MYOZ3: variants seen among roughly 807,000 people sequenced by gnomAD.
MYOZ3 encodes myozenin 3.
A neutral mutation model predicts 26.5 loss-of-function variants in MYOZ3; 19 were observed. The ratio of observed to expected loss-of-function variants is 0.72; its 90% CI spans 0.50 to 1.05. The LOEUF (loss-of-function observed/expected upper bound fraction) is 1.05. Ranked by LOEUF, MYOZ3 falls within the 50% of genes least tolerant of loss-of-function variation. The pLI is 0.00. For synonymous variants in MYOZ3, 135 were observed against 138.8 expected, an observed-to-expected ratio of 0.97 and a Z score of 0.19; for missense variants, 322 against 337.1, an observed-to-expected ratio of 0.96 and a Z score of 0.35.
rs766849870 is a variant in MYOZ3 at position 150,679,072 on chromosome 5, T to C, written c.*2197T>C. The C allele has an allele frequency of 3.9e-5, 6 of 152,484 alleles. No homozygotes were observed. The highest frequency in any genetic ancestry group is 8.8e-5 in the Non-Finnish European group (6 of 68,038). 9.4% of individuals were successfully genotyped at this position (152,484 alleles called of 1,614,324 possible). On this transcript the variant is annotated 3_prime_UTR_variant, in exon 7 of 7. Coordinates refer to ENST00000517768, the MANE Select transcript of MYOZ3 (RefSeq NM_001122853.3). The stretch of plus-strand genomic sequence containing the variant: ...GCCTGACTTTTAGAATTGCTTGCAA[T>C]TGGTGTTTTCTCTTGAATTTGGGGG...
At chr5:150,676,035 T>G (rs937519066) in intron 6 of MYOZ3, among the ~76,000 whole-genome samples, 30 of 152,218 alleles carry the variant, frequency 2.0e-4, no homozygotes, top group African/African-American at 7.2e-4. Flanking sequence ...TGTTGTAATC[T>G]GCATTTCCCC....
At chr5:150,672,294 C>T (rs950856329) in intron 5 of MYOZ3, 46 bp from the exon 6 acceptor site, 5 of 1,554,438 alleles carry the variant, frequency 3.2e-6, no homozygotes, top group Non-Finnish European at 4.4e-6. Context: ...GGGTTGGGGG[C>T]TGAGGGTGGA....
intron 6 of MYOZ3, among the ~76,000 whole-genome samples, chr5:150,675,286 T>C (rs1324401585): frequency 6.6e-6 from 1 of 151,874 alleles, no homozygotes; most frequent in Non-Finnish European, 1.5e-5. Context: ...AACTTGCTTT[T>C]TTTACTCAAC....
chr5:150,666,967 C>T (rs1235667307), intron 2 of MYOZ3, among the ~76,000 whole-genome samples: 1 of 152,004 alleles, frequency 6.6e-6, no homozygotes, highest in Non-Finnish European at 1.5e-5. Flanking sequence ...CCATGTTGGC[C>T]AGGTTGGTCT....
intron 6 of MYOZ3, 139 bp downstream of exon 6, chr5:150,672,641 T>A: frequency 1.9e-6 from 2 of 1,065,694 alleles, no homozygotes; most frequent in Non-Finnish European, 2.6e-6. Flanking sequence ...TTGACTGAGC[T>A]CTGGCTGGAA....
chr5:150,665,580 CAAAT>C (rs1016859378), intron 2 of MYOZ3, among the ~76,000 whole-genome samples: 32 of 152,110 alleles, frequency 2.1e-4, no homozygotes, highest in Admixed American at 1.7e-3. Context: ...AATACTCAGT[CAAAT>C]AGATTTTATC....
chr5:150,664,899 A>G (rs982036769), intron 2 of MYOZ3, among the ~76,000 whole-genome samples: 5 of 152,246 alleles, frequency 3.3e-5, no homozygotes, highest in Non-Finnish European at 7.3e-5. Context: ...TCATAATGGA[A>G]CCATCTGGAG....
At chr5:150,672,309 C>A (rs1275939226) in intron 5 of MYOZ3, 31 bp from the exon 6 acceptor site, 6 of 1,566,310 alleles carry the variant, frequency 3.8e-6, no homozygotes, top group Non-Finnish European at 5.2e-6. Flanking sequence ...GGTGGAAGAA[C>A]GGAGGCGCTC....
At chr5:150,662,474 C>A (rs529228577) in intron 1 of MYOZ3, among the ~76,000 whole-genome samples, 1 of 152,142 alleles carries the variant, frequency 6.6e-6, no homozygotes, top group Non-Finnish European at 1.5e-5. Flanking sequence ...GGCTCACCAG[C>A]CTTGCAGACC....
intron 2 of MYOZ3, among the ~76,000 whole-genome samples, chr5:150,668,130 C>A (rs956161980): frequency 6.6e-6 from 1 of 152,138 alleles, no homozygotes; most frequent in Non-Finnish European, 1.5e-5. Flanking sequence ...TTTGAAAAAC[C>A]AGGCCAGTTG....
chr5:150,662,968 A>C lies in MYOZ3; in HGVS notation c.27A>C (p.Pro9=), dbSNP rs1758757754. The change falls in exon 2 of 7, where the codon CCA becomes CCC. Residue 9 remains proline, a synonymous_variant. Transcript: ENST00000517768. Reference sequence around the variant, plus strand: ...TGATCCCCAAGGAGCAGAAGGGGCCAGTGATGGCTGCCATGGGGGACCTCA... The same window carrying C: ...TGATCCCCAAGGAGCAGAAGGGGCCCGTGATGGCTGCCATGGGGGACCTCA... The part of the protein sequence containing the change: MIPKEQKG[P]VMAAMGDLTE... 6.2e-7 allele frequency: 1 copy of C among 1,612,468 alleles called. No individual in the cohort carries two copies. The highest frequency in any genetic ancestry group is 1.3e-5 in the African/African-American group (1 of 74,976).
intron 6 of MYOZ3, among the ~76,000 whole-genome samples, chr5:150,675,317 C>G (rs950038211): frequency 6.6e-6 from 1 of 152,106 alleles, no homozygotes; most frequent in African/African-American, 2.4e-5. Flanking sequence ...CGAAATCTAC[C>G]ATACTAATAC....
chr5:150,670,580 A>G lies in MYOZ3; in HGVS notation c.158A>G (p.Gln53Arg), dbSNP rs1758888712. ...LRNNRGSLLFQKRQRRVQKFT... is the reference protein window; with the variant it reads ...LRNNRGSLLFRKRQRRVQKFT... Reference sequence around the variant, plus strand: ...AACAACAGAGGGTCCCTCCTCTTCCAGAAGAGGCAGCGCCGTGTGCAGAAG... The same window carrying G: ...AACAACAGAGGGTCCCTCCTCTTCCGGAAGAGGCAGCGCCGTGTGCAGAAG... Residue 53 changes from glutamine to arginine, a missense_variant, in exon 3 of 7, where the codon CAG becomes CGG. By Grantham distance (43) the Gln-to-Arg change is conservative. Coordinates refer to ENST00000517768, the MANE Select transcript of MYOZ3 (RefSeq NM_001122853.3). The G allele has an allele frequency of 6.2e-7, 1 of 1,613,364 alleles. No homozygotes were observed. Among genetic ancestry groups the G allele is most frequent in the Non-Finnish European group, 8.5e-7 (1 of 1,179,652 alleles).
chr5:150,669,633 CTTTTTTTTTTTTTT>C (rs532402882), intron 2 of MYOZ3, among the ~76,000 whole-genome samples: 48 of 47,750 alleles, frequency 1.0e-3, no homozygotes, highest in South Asian at 4.2e-3. Context: ...CCCATATATG[CTTTTTTTTTTTTTT>C]TTTTTTTTTT....
Position 150,671,914 on chromosome 5 carries a change from T to C in MYOZ3, c.424+6T>C. ...CCCCAGCGCCCTGGCGCCAGGTGAG[T>C]GGCCTCCTCGGGTCCCGGGACCAGG... On this transcript the variant is annotated splice_donor_region_variant and intron_variant, in intron 5 of 6. Transcript: ENST00000517768. 6.6e-7 allele frequency: 1 copy of C among 1,525,518 alleles called. No individual in the cohort carries two copies. Among genetic ancestry groups the C allele is most frequent in the East Asian group, 2.4e-5 (1 of 41,302 alleles). The allele number at this position is 1,525,518 out of a possible 1,614,324, so 94.5% of individuals were successfully genotyped here. A position where few individuals can be genotyped will look rare whatever the true frequency, so the allele number is the denominator to read the frequency against.
intron 2 of MYOZ3, among the ~76,000 whole-genome samples, chr5:150,666,306 T>C (rs1050982610): frequency 7.2e-5 from 11 of 151,884 alleles, no homozygotes; most frequent in African/African-American, 2.7e-4. Context: ...CAAAAACACA[T>C]ACTTATTTTT....
chr5:150,676,863 C>T lies in MYOZ3; in HGVS notation c.744C>T (p.Ser248=), dbSNP rs199589261. 24 of 1,611,094 alleles carry T rather than the reference C, an allele frequency of 1.5e-5. 1 individual carries two copies. The Admixed American group carries it at 1.7e-4, about 11-fold the overall frequency. ...GCTGGGTCCGTAACCTCCCAGAGTC[C>T]GAGGAGCTGTAGCCCTAGCCTGAAT... ...AQGWVRNLPE[S]EEL Residue 248 remains serine (S), a synonymous_variant, in exon 7 of 7, where the codon TCC becomes TCT. Transcript: ENST00000517768.
At chr5:150,668,422 C>A (rs1298327526) in intron 2 of MYOZ3, among the ~76,000 whole-genome samples, 1 of 152,190 alleles carries the variant, frequency 6.6e-6, no homozygotes, top group Non-Finnish European at 1.5e-5. Context: ...AGGATGCCAT[C>A]CTCTTTAGTT....
At chr5:150,661,180 TG>T (rs1232388608), upstream of MYOZ3, 2 of 152,480 alleles carry the variant, frequency 1.3e-5, no homozygotes, top group African/African-American at 4.8e-5. Context: ...CCCTAGGGTC[TG>T]GTGCTTTTAG....
Sources: gnomAD v4.1 joint callset for allele counts (sites outside exome capture counted in the v4.1 genomes callset) on GRCh38, gnomAD v4.1.1 for gene constraint, MANE v1.5 for transcripts, NCBI Gene and HGNC (gene_info 2026-07-23, HGNC 2026-07-21) for gene names.